The following FTO variants were observed in gnomAD, a reference collection of about 807,000 sequenced individuals.
The protein encoded by FTO is alpha-ketoglutarate-dependent dioxygenase FTO.
FTO carries 47 observed loss-of-function variants against 63.9 expected under a neutral mutation model. The ratio of observed to expected loss-of-function variants is 0.74; its 90% CI spans 0.58 to 0.94. The LOEUF is 0.94. Ranked by LOEUF, FTO falls within the 40% of genes least tolerant of loss-of-function variation. The pLI is 0.00. For missense variants in FTO, 562 were observed against 618.1 expected, an observed-to-expected ratio of 0.91 and a Z score of 0.96; for synonymous variants, 207 against 224.4, an observed-to-expected ratio of 0.92 and a Z score of 0.69.
intron 8 of FTO, among the ~76,000 whole-genome samples, chr16:54,058,863 T>A (rs1263292329): frequency 2.0e-5 from 3 of 152,200 alleles, no homozygotes; most frequent in East Asian, 3.8e-4. Context: ...TGCTACTGTG[T>A]CTATTTTTGT....
chr16:53,881,984 G>A (rs1463662862), intron 6 of FTO, among the ~76,000 whole-genome samples: 2 of 152,098 alleles, frequency 1.3e-5, no homozygotes, highest in African/African-American at 2.4e-5. Flanking sequence ...TAGTGGTAAT[G>A]GTTGCACAGC....
At chr16:54,046,188 CAT>C (rs1567537139) in intron 8 of FTO, among the ~76,000 whole-genome samples, 1 of 95,516 alleles carries the variant, frequency 1.0e-5, no homozygotes, top group Non-Finnish European at 1.8e-5. Context: ...TTGCAGACGA[CAT>C]GATTGTTTAT....
At chr16:53,914,782 T>C (rs1175326199) in intron 7 of FTO, among the ~76,000 whole-genome samples, 1 of 152,210 alleles carries the variant, frequency 6.6e-6, no homozygotes, top group Non-Finnish European at 1.5e-5. Flanking sequence ...TGAACAGCTG[T>C]ACAACAAGCA....
intron 8 of FTO, among the ~76,000 whole-genome samples, chr16:53,986,405 C>T (rs2143858701): frequency 6.6e-6 from 1 of 152,282 alleles, no homozygotes. Flanking sequence ...TGAGGACTAA[C>T]CATGTGTCCC....
chr16:54,056,005 G>A (rs1196292533), intron 8 of FTO, among the ~76,000 whole-genome samples: 1 of 152,176 alleles, frequency 6.6e-6, no homozygotes, highest in African/African-American at 2.4e-5. Context: ...AACAATCTCT[G>A]GTTCTTTCCT....
At chr16:54,057,933 A>C (rs1246944283) in intron 8 of FTO, among the ~76,000 whole-genome samples, 1 of 152,000 alleles carries the variant, frequency 6.6e-6, no homozygotes, top group African/African-American at 2.4e-5. Flanking sequence ...AGTGGTAAGA[A>C]CACATCTCCA....
At chr16:53,956,134 A>G (rs2082925235) in intron 8 of FTO, among the ~76,000 whole-genome samples, 1 of 152,226 alleles carries the variant, frequency 6.6e-6, no homozygotes, top group Admixed American at 6.5e-5. Flanking sequence ...CTGAATTCAG[A>G]GAAAGTTAAA....
chr16:54,016,968 T>C (rs1452674667), intron 8 of FTO, among the ~76,000 whole-genome samples: 18 of 152,194 alleles, frequency 1.2e-4, no homozygotes, highest in Non-Finnish European at 5.9e-5. Flanking sequence ...ATCTTGATTA[T>C]TTGTTCCATG....
At chr16:53,913,663 G>A (rs1352750591) in intron 7 of FTO, among the ~76,000 whole-genome samples, 1 of 152,066 alleles carries the variant, frequency 6.6e-6, no homozygotes, top group Non-Finnish European at 1.5e-5. Flanking sequence ...TCTGGGGTAG[G>A]CGGCCATGGT....
At chr16:53,763,257 T>A (rs756329206) in intron 1 of FTO, among the ~76,000 whole-genome samples, 3 of 152,312 alleles carry the variant, frequency 2.0e-5, no homozygotes, top group South Asian at 2.1e-4. Context: ...TCCATTTTTT[T>A]AAATAAGGAT....
intron 8 of FTO, among the ~76,000 whole-genome samples, chr16:54,103,793 G>A (rs1358541719): frequency 6.6e-6 from 1 of 152,208 alleles, no homozygotes; most frequent in Non-Finnish European, 1.5e-5. Context: ...GTTCTTTTCA[G>A]AGGATTTAGA....
chr16:53,826,695 G>T (rs552330806), intron 3 of FTO, among the ~76,000 whole-genome samples: 2 of 152,222 alleles, frequency 1.3e-5, no homozygotes, highest in Admixed American at 1.3e-4. Flanking sequence ...TTCTCATCTG[G>T]CCATGCTAGC....
At chr16:53,752,045 A>T (rs915296071) in intron 1 of FTO, among the ~76,000 whole-genome samples, 1 of 152,242 alleles carries the variant, frequency 6.6e-6, no homozygotes, top group Admixed American at 6.5e-5. Flanking sequence ...GGGCACAAAG[A>T]CATATGTATA....
intron 8 of FTO, among the ~76,000 whole-genome samples, chr16:53,953,599 T>C (rs1294667427): frequency 6.6e-6 from 1 of 152,232 alleles, no homozygotes; most frequent in Non-Finnish European, 1.5e-5. Context: ...AAAATGCATT[T>C]AAAATTTAGC....
chr16:54,011,725 A>T (rs1428969108), intron 8 of FTO, among the ~76,000 whole-genome samples: 1 of 152,226 alleles, frequency 6.6e-6, no homozygotes, highest in Non-Finnish European at 1.5e-5. Flanking sequence ...TATAAAAATA[A>T]AGAGAAAAAG....
chr16:53,973,930 A>G (rs2083383765), intron 8 of FTO, among the ~76,000 whole-genome samples: 1 of 152,210 alleles, frequency 6.6e-6, no homozygotes, highest in African/African-American at 2.4e-5. Flanking sequence ...TACCTCATTT[A>G]AAAGGGGCGA....
At chr16:53,864,035 T>C (rs2080243513) in intron 4 of FTO, among the ~76,000 whole-genome samples, 1 of 152,220 alleles carries the variant, frequency 6.6e-6, no homozygotes, top group Non-Finnish European at 1.5e-5. Context: ...GGCCTGTGTC[T>C]ATACTGGCAT....
At chr16:54,012,291 C>T (rs1318979318) in intron 8 of FTO, among the ~76,000 whole-genome samples, 4 of 152,176 alleles carry the variant, frequency 2.6e-5, no homozygotes, top group African/African-American at 7.2e-5. Context: ...AAAGCCTAAT[C>T]CAGAGCAAAG....
intron 8 of FTO, among the ~76,000 whole-genome samples, chr16:54,066,333 C>A (rs569646688): frequency 6.6e-6 from 1 of 152,274 alleles, no homozygotes; most frequent in South Asian, 2.1e-4. Context: ...TGACAAGTGA[C>A]ACAACTGGAA....
Sources: allele counts gnomAD v4.1 joint callset (sites outside exome capture counted in the v4.1 genomes callset), GRCh38; gene constraint gnomAD v4.1.1; transcripts MANE v1.5; gene names NCBI Gene and HGNC (gene_info 2026-07-23, HGNC 2026-07-21).